TTLL5: variants seen among roughly 807,000 people sequenced by gnomAD.
TTLL5 encodes tubulin polyglutamylase TTLL5.
A neutral mutation model predicts 168.4 loss-of-function variants in TTLL5; 132 were observed. That is an observed-to-expected ratio of 0.78 (90% CI 0.68 to 0.91). TTLL5 has a LOEUF of 0.91. Among genes scored for constraint, TTLL5 ranks in the 40% least tolerant of loss-of-function variants. TTLL5 has a pLI of 0.00. For missense variants in TTLL5, 1,545 were observed against 1,581.5 expected, an observed-to-expected ratio of 0.98 and a Z score of 0.39; for synonymous variants, 546 against 558.6, an observed-to-expected ratio of 0.98 and a Z score of 0.32.
intron 26 of TTLL5, among the ~76,000 whole-genome samples, chr14:75,787,475 G>T (rs927820531): frequency 6.6e-6 from 1 of 152,134 alleles, no homozygotes; most frequent in East Asian, 1.9e-4. Context: ...AAAAGTGTCT[G>T]CACCTCATAA....
At chr14:75,757,703 T>A (rs1014819164) in intron 18 of TTLL5, 2 of 632,342 alleles carry the variant, frequency 3.2e-6, no homozygotes, top group African/African-American at 1.9e-5. Flanking sequence ...TCTGCAAAGA[T>A]GCCCTCCTTG....
chr14:75,923,132 A>G (rs909349445), intron 31 of TTLL5, among the ~76,000 whole-genome samples: 8 of 152,010 alleles, frequency 5.3e-5, no homozygotes, highest in Middle Eastern at 6.8e-3. Flanking sequence ...CAGTCTGTCA[A>G]TTTTGTTGAT....
At chr14:75,713,490 CA>C (rs1386747697) in intron 9 of TTLL5, among the ~76,000 whole-genome samples, 1 of 152,186 alleles carries the variant, frequency 6.6e-6, no homozygotes, top group African/African-American at 2.4e-5. Context: ...AGCATATCCC[CA>C]TTGTTAAGTG....
In TTLL5 at chr14:75,938,379, G is replaced by T. The variant is rs114395365; in HGVS notation, c.3824-16045G>T. ...AAAGGATGGAGGAAAAGGAGCCAGT[G>T]GGGGAGCCCATGGAGGCAGCCTTGA... On this transcript the variant is annotated intron_variant, in intron 31 of 31. Coordinates refer to ENST00000298832, the MANE Select transcript of TTLL5 (RefSeq NM_015072.5). Among the ~76,000 whole-genome samples the T allele has an allele frequency of 4.4e-3, 664 of 152,332 alleles. 4 individuals are homozygous for T. Among genetic ancestry groups the T allele is most frequent in the African/African-American group, 0.015 (636 of 41,566 alleles).
At chr14:75,791,499 G>A (rs1274275944) in intron 26 of TTLL5, among the ~76,000 whole-genome samples, 1 of 150,460 alleles carries the variant, frequency 6.6e-6, no homozygotes, top group African/African-American at 2.5e-5. Flanking sequence ...AAAATTATCT[G>A]GTATTTTGTT....
At chr14:75,778,463 C>T (rs1481335799) in intron 23 of TTLL5, among the ~76,000 whole-genome samples, 10 of 152,218 alleles carry the variant, frequency 6.6e-5, no homozygotes, top group Non-Finnish European at 1.5e-5. Flanking sequence ...ATAAAACACA[C>T]TGACAGGCAA....
At chr14:75,730,458 C>T (rs1385311293) in intron 12 of TTLL5, among the ~76,000 whole-genome samples, 2 of 152,146 alleles carry the variant, frequency 1.3e-5, no homozygotes, top group Non-Finnish European at 2.9e-5. Context: ...ATCTCAAACT[C>T]TTGTATAGTT....
chr14:75,803,032 C>T (rs1224496559), intron 27 of TTLL5: 2 of 152,292 alleles, frequency 1.3e-5, no homozygotes, highest in South Asian at 4.1e-4. Context: ...TGAAGTTGGG[C>T]GAGAAGGCAA....
intron 26 of TTLL5, among the ~76,000 whole-genome samples, chr14:75,791,584 G>A (rs1228276503): frequency 1.3e-5 from 2 of 152,014 alleles, no homozygotes; most frequent in Non-Finnish European, 2.9e-5. Context: ...GGGGAGATTA[G>A]GAATGGGGAG....
chr14:75,914,727 C>A (rs1445896093), intron 31 of TTLL5, among the ~76,000 whole-genome samples: 3 of 151,152 alleles, frequency 2.0e-5, no homozygotes, highest in Non-Finnish European at 4.4e-5. Context: ...AGGTTCACGC[C>A]ATTCTCCTGC....
At chr14:75,925,707 A>G (rs992764282) in intron 31 of TTLL5, among the ~76,000 whole-genome samples, 4 of 151,876 alleles carry the variant, frequency 2.6e-5, no homozygotes, top group African/African-American at 9.7e-5. Context: ...GGCGGCTCGG[A>G]GGTGGAGGTT....
intron 16 of TTLL5, 99 bp downstream of exon 16, chr14:75,745,307 T>C (rs576628278): frequency 7.8e-6 from 10 of 1,286,560 alleles, no homozygotes; most frequent in African/African-American, 3.0e-5. Context: ...ATGTCTTACA[T>C]TGAAAAGAGA....
intron 25 of TTLL5, 60 bp downstream of exon 25, chr14:75,782,633 A>G: frequency 7.3e-7 from 1 of 1,365,068 alleles, no homozygotes; most frequent in Non-Finnish European, 1.0e-6. Flanking sequence ...AAAAGAAGGA[A>G]ATAGTCATCA....
chr14:75,848,313 A>G (rs117016929), intron 28 of TTLL5, among the ~76,000 whole-genome samples: 2,223 of 152,194 alleles, frequency 0.015, 27 homozygotes, highest in South Asian at 0.025. Context: ...CTACAATTCA[A>G]TGTAGAAGTT....
chr14:75,692,968 A>G (rs1429737339), intron 6 of TTLL5, among the ~76,000 whole-genome samples: 2 of 152,074 alleles, frequency 1.3e-5, no homozygotes, highest in Non-Finnish European at 2.9e-5. Context: ...ACTAAGGGAG[A>G]GAAAAAAAGC....
intron 30 of TTLL5, among the ~76,000 whole-genome samples, chr14:75,894,910 A>G (rs1326325836): frequency 1.3e-5 from 2 of 152,210 alleles, no homozygotes; most frequent in African/African-American, 4.8e-5. Context: ...ACTTAAAAAT[A>G]TAGAAACCAA....
At position 75,874,283 on chromosome 14, in the gene TTLL5, G is replaced by A. The variant is rs185292895; in HGVS notation, c.3523-8402G>A. 1.7e-3 allele frequency among the ~76,000 whole-genome samples: 251 copies of A among 152,108 alleles called. 1 individual carries two copies. The highest frequency in any genetic ancestry group is 2.2e-3 in the Non-Finnish European group (152 of 67,976). Reference sequence around the variant, plus strand: ...ATTTTTTGTATTATTTAGTAGAGGCGGGGTTTCAACATGTTAGCCAGGATG... The same window carrying A: ...ATTTTTTGTATTATTTAGTAGAGGCAGGGTTTCAACATGTTAGCCAGGATG... On this transcript the variant is annotated intron_variant, in intron 29 of 31. Coordinates refer to ENST00000298832, the MANE Select transcript of TTLL5 (RefSeq NM_015072.5).
At chr14:75,850,142 C>T (rs1322751844) in intron 28 of TTLL5, among the ~76,000 whole-genome samples, 2 of 151,944 alleles carry the variant, frequency 1.3e-5, no homozygotes, top group Admixed American at 6.6e-5. Context: ...CACGGTGGCT[C>T]ATGCCTGTAA....
chr14:75,797,354 C>T (rs961060366), intron 27 of TTLL5, among the ~76,000 whole-genome samples: 3 of 151,834 alleles, frequency 2.0e-5, no homozygotes, highest in Non-Finnish European at 2.9e-5. Flanking sequence ...GGTATATGAT[C>T]ATATTGGCAA....
Sources: allele counts gnomAD v4.1 joint callset (sites outside exome capture counted in the v4.1 genomes callset), GRCh38; gene constraint gnomAD v4.1.1; transcripts MANE v1.5; gene names NCBI Gene and HGNC (gene_info 2026-07-23, HGNC 2026-07-21).